The following ANKRD61 variants were observed in gnomAD, a reference collection of about 807,000 sequenced individuals.
The protein encoded by ANKRD61 is ankyrin repeat domain 61, also known as ankyrin repeat domain-containing protein 61.
A neutral mutation model predicts 8.4 loss-of-function variants in ANKRD61; 7 were observed. The ratio of observed to expected loss-of-function variants is 0.84; its 90% CI spans 0.48 to 1.57. The LOEUF (loss-of-function observed/expected upper bound fraction) is 1.57, where lower values mean the gene tolerates loss of function less well. Ranked by LOEUF, ANKRD61 falls within the 40% of genes most tolerant of loss-of-function variation. The pLI is 0.00. For missense variants in ANKRD61, 516 were observed against 523.4 expected, an observed-to-expected ratio of 0.99 and a Z score of 0.14; for synonymous variants, 198 against 208.0, an observed-to-expected ratio of 0.95 and a Z score of 0.41.
intron 1 of ANKRD61, 62 bp downstream of exon 1, chr7:6,031,653 A>T: frequency 2.0e-6 from 3 of 1,498,524 alleles, no homozygotes; most frequent in Middle Eastern, 1.8e-4. Context: ...AAGAAGCATG[A>T]TCTAAAGCTG....
rs1381049202 is a variant in ANKRD61, at chr7:6,035,238, T to A, written c.315-206T>A. On this transcript the variant is annotated intron_variant, in intron 2 of 2. Transcript: ENST00000409061. This position sits in a 1 kb window ranked among gnomAD's most constrained non-coding sequence, Gnocchi z 5.5. ...ATACATAAAATGAAGCTAGGCCCCA[T>A]CACGTAGTGATGCATCCCACCACAT... Among the ~76,000 whole-genome samples the A allele has an allele frequency of 6.6e-6, 1 of 152,046 alleles. No homozygotes were observed. Among genetic ancestry groups the A allele is most frequent in the Non-Finnish European group, 1.5e-5 (1 of 68,010 alleles).
At position 6,033,254 on chromosome 7, in the gene ANKRD61, G is replaced by A. The variant is rs183345778; in HGVS notation, c.314+318G>A. ...AAAGTGCTGGGATTAACAGCCCTCA[G>A]CCACAGCACCCAGCTTCACTGACAA... On this transcript the variant is annotated intron_variant, in intron 2 of 2. Coordinates refer to ENST00000409061, the MANE Select transcript of ANKRD61 (RefSeq NM_001271700.2). This position sits in a 1 kb window ranked among gnomAD's most constrained non-coding sequence, Gnocchi z 4.4. Among the ~76,000 whole-genome samples the A allele has an allele frequency of 1.8e-4, 27 of 152,162 alleles. No individual in the cohort carries two copies. The highest frequency in any genetic ancestry group is 3.4e-3 in the Middle Eastern group (1 of 292).
rs1283435132 is a variant in ANKRD61 at position 6,033,630 on chromosome 7, G to A, written c.314+694G>A. ...TTTTGAGACAGAGTCTCGCTCTGTC[G>A]CCCAGGCTGGAGTGCAGTGGCACCA... On this transcript the variant is annotated intron_variant, in intron 2 of 2. Transcript: ENST00000409061. The surrounding 1 kb of genome is among the most constrained non-coding windows in gnomAD (Gnocchi z 4.4). Among the ~76,000 whole-genome samples, 3 of 151,932 alleles carry A rather than the reference G, an allele frequency of 2.0e-5. No individual in the cohort carries two copies. Among genetic ancestry groups the A allele is most frequent in the Non-Finnish European group, 2.9e-5 (2 of 67,972 alleles).
intron 2 of ANKRD61, among the ~76,000 whole-genome samples, chr7:6,034,335 C>T (rs1361759965): frequency 2.0e-5 from 3 of 151,912 alleles, no homozygotes; most frequent in African/African-American, 4.8e-5. Context: ...GAACTTCTTG[C>T]CCCAAATCCT....
At chr7:6,034,515 T>C (rs78574316) in intron 2 of ANKRD61, among the ~76,000 whole-genome samples, 3,280 of 152,138 alleles carry the variant, frequency 0.022, 122 homozygotes, top group African/African-American at 0.074. Context: ...GCATGCACTA[T>C]GTGAGGCTTC....
intron 1 of ANKRD61, 69 bp downstream of exon 1, chr7:6,031,660 G>C: frequency 6.8e-7 from 1 of 1,476,322 alleles, no homozygotes; most frequent in Non-Finnish European, 9.2e-7. Flanking sequence ...ATGATCTAAA[G>C]CTGGTGAACC....
chr7:6,031,682 C>T lies in ANKRD61; in HGVS notation c.216+91C>T, dbSNP rs73331369. 8,335 of 1,300,440 alleles carry T rather than the reference C, an allele frequency of 6.4e-3. 437 individuals are homozygous for T. In the African/African-American group the frequency reaches 0.11, roughly 17 times the overall value. 80.6% of individuals were successfully genotyped at this position (1,300,440 alleles called of 1,614,324 possible). On this transcript the variant is annotated intron_variant, in intron 1 of 2. Transcript: ENST00000409061. The stretch of plus-strand genomic sequence containing the variant: ...AAAGCTGGTGAACCCACTAAGCTCA[C>T]GGCCCTTATGAGAATGAGACACGAC...
In ANKRD61 at chr7:6,032,487, C is replaced by A. The variant is rs1244484150; in HGVS notation, c.217-352C>A. 6.6e-6 allele frequency among the ~76,000 whole-genome samples: 1 copy of A among 152,210 alleles called. No individual in the cohort carries two copies. The highest frequency in any genetic ancestry group is 2.4e-5 in the African/African-American group (1 of 41,462). On this transcript the variant is annotated intron_variant, in intron 1 of 2. Coordinates refer to ENST00000409061, the MANE Select transcript of ANKRD61 (RefSeq NM_001271700.2). This position sits in a 1 kb window ranked among gnomAD's most constrained non-coding sequence, Gnocchi z 4.3. ...CGACACAGCACCTACTTGTCCATCA[C>A]CCTGTGGGTTAATTTAAGGAATAAG... is the stretch of plus-strand genomic sequence containing the variant.
chr7:6,032,553 C>A lies in ANKRD61; in HGVS notation c.217-286C>A, dbSNP rs954362354. On this transcript the variant is annotated intron_variant, in intron 1 of 2. Transcript: ENST00000409061. This position sits in a 1 kb window ranked among gnomAD's most constrained non-coding sequence, Gnocchi z 4.3. ...TACCCTTAATATCACACCACAGGCT[C>A]TTCTGAAGAATCAACTTTCAAAAAT... Among the ~76,000 whole-genome samples, 2 of 152,228 alleles carry A rather than the reference C, an allele frequency of 1.3e-5. No individual in the cohort carries two copies. Among genetic ancestry groups the A allele is most frequent in the Admixed American group, 6.5e-5 (1 of 15,276 alleles).
intron 2 of ANKRD61, among the ~76,000 whole-genome samples, chr7:6,034,915 C>T (rs987135498): frequency 1.3e-5 from 2 of 152,112 alleles, no homozygotes; most frequent in African/African-American, 2.4e-5. Flanking sequence ...AGAAAAATGT[C>T]GGGTAGGAGA....
In ANKRD61 at chr7:6,032,964, C is replaced by T; in HGVS notation, c.314+28C>T. The stretch of plus-strand genomic sequence containing the variant: ...AAGTTAACTCCACCGAAAATCATTT[C>T]TTTTTTTTTCTTTTTTGTTTTGAGG... On this transcript the variant is annotated intron_variant, in intron 2 of 2. Coordinates refer to ENST00000409061, the MANE Select transcript of ANKRD61 (RefSeq NM_001271700.2). The surrounding 1 kb of genome is among the most constrained non-coding windows in gnomAD (Gnocchi z 4.3). The T allele has an allele frequency of 6.6e-7, 1 of 1,512,454 alleles. No individual in the cohort carries two copies. The highest frequency in any genetic ancestry group is 1.2e-5 in the South Asian group (1 of 82,768). The allele number at this position is 1,512,454 out of a possible 1,614,324, so 93.7% of individuals were successfully genotyped here.
rs562934313 is a variant in ANKRD61, at chr7:6,035,269, G to A, written c.315-175G>A. On this transcript the variant is annotated intron_variant, in intron 2 of 2. Coordinates refer to ENST00000409061, the MANE Select transcript of ANKRD61 (RefSeq NM_001271700.2). The surrounding 1 kb of genome is among the most constrained non-coding windows in gnomAD (Gnocchi z 5.5). ...AGTGATGCATCCCACCACATCCCAC[G>A]AAAAACCCTGGGATAGCCTGAGAAA... Among the ~76,000 whole-genome samples the A allele has an allele frequency of 3.9e-5, 6 of 152,094 alleles. No homozygotes were observed. In the South Asian group the frequency reaches 1.0e-3, roughly 26 times the overall value.
rs1562744276 is a variant in ANKRD61, at chr7:6,032,966, T to C, written c.314+30T>C. On this transcript the variant is annotated intron_variant, in intron 2 of 2. Transcript: ENST00000409061. The surrounding 1 kb of genome is among the most constrained non-coding windows in gnomAD (Gnocchi z 4.3). ...GTTAACTCCACCGAAAATCATTTCT[T>C]TTTTTTTCTTTTTTGTTTTGAGGCA... The C allele has an allele frequency of 1.3e-6, 2 of 1,527,482 alleles. No individual in the cohort carries two copies. Among genetic ancestry groups the C allele is most frequent in the Non-Finnish European group, 1.8e-6 (2 of 1,128,070 alleles). The allele number at this position is 1,527,482 out of a possible 1,614,324, so 94.6% of individuals were successfully genotyped here. A position where few individuals can be genotyped will look rare whatever the true frequency, so the allele number is the denominator to read the frequency against.
chr7:6,031,519 G>A lies in ANKRD61; in HGVS notation c.144G>A (p.Leu48=). 5.2e-6 allele frequency: 8 copies of A among 1,550,730 alleles called. No individual in the cohort carries two copies. Among genetic ancestry groups the A allele is most frequent in the Non-Finnish European group, 7.0e-6 (8 of 1,147,004 alleles). The change falls in exon 1 of 3, where the codon CTG becomes CTA. Residue 48 remains leucine, a synonymous_variant. Coordinates refer to ENST00000409061, the MANE Select transcript of ANKRD61 (RefSeq NM_001271700.2). ...ACTGCACTACGATCGAGGTACTCCT[G>A]AGAAATCACCCTGTCAACCAGCCCA... ...REDCTTIEVL[L]RNHPVNQPIT...
At position 6,035,627 on chromosome 7, in the gene ANKRD61, C is replaced by G. The variant is rs2128887598; in HGVS notation, c.498C>G (p.Ser166Arg). 1 of 1,550,780 alleles carries G rather than the reference C, an allele frequency of 6.4e-7. No homozygotes were observed. The highest frequency in any genetic ancestry group is 1.4e-5 in the African/African-American group (1 of 73,146). The change falls in exon 3 of 3, where the codon AGC becomes AGG. Residue 166 changes from serine to arginine, a missense_variant. Physicochemically the swap from Ser to Arg is moderately radical, Grantham distance 110 (BLOSUM62 -1). Coordinates refer to ENST00000409061, the MANE Select transcript of ANKRD61 (RefSeq NM_001271700.2). This position sits in a 1 kb window ranked among gnomAD's most constrained non-coding sequence, Gnocchi z 5.5. Reference sequence around the variant, plus strand: ...AAGTGAACACTCAAGGGGAAATCAGCAACAAACGTTCACCACTCCACCTGG... The same window carrying G: ...AAGTGAACACTCAAGGGGAAATCAGGAACAAACGTTCACCACTCCACCTGG... The part of the protein sequence containing the change: ...GAQVNTQGEI[S>R]NKRSPLHLAI...
Position 6,033,000 on chromosome 7 carries a change from G to T in ANKRD61, c.314+64G>T. The T allele has an allele frequency of 7.2e-7, 1 of 1,394,756 alleles. No individual in the cohort carries two copies. 86.4% of individuals were successfully genotyped at this position (1,394,756 alleles called of 1,614,324 possible). ...TTTTTTGTTTTGAGGCAGGGGTCTCGCTCTGTTGCCCAGGCTGGAGTGCAA... is the reference window on the plus strand; with the variant it reads ...TTTTTTGTTTTGAGGCAGGGGTCTCTCTCTGTTGCCCAGGCTGGAGTGCAA... On this transcript the variant is annotated intron_variant, in intron 2 of 2. Transcript: ENST00000409061. The surrounding 1 kb of genome is among the most constrained non-coding windows in gnomAD (Gnocchi z 4.3).
rs1369021537 is a variant in ANKRD61 at position 6,035,945 on chromosome 7, C to T, written c.816C>T (p.Asn272=). ...TACTCACTCACGGAGCCAAAGTCAA[C>T]GCCCAGGACTACAAGGGCCAAACAG... ...RLLLTHGAKV[N]AQDYKGQTAI... The change falls in exon 3 of 3, where the codon AAC becomes AAT. Residue 272 remains asparagine, a synonymous_variant. Transcript: ENST00000409061. This position sits in a 1 kb window ranked among gnomAD's most constrained non-coding sequence, Gnocchi z 5.5. 43 of 1,547,848 alleles carry T rather than the reference C, an allele frequency of 2.8e-5. No homozygotes were observed. Among genetic ancestry groups the T allele is most frequent in the Middle Eastern group, 3.3e-4 (2 of 5,976 alleles).
In ANKRD61 at chr7:6,033,070, G is replaced by T. The variant is rs1787963755; in HGVS notation, c.314+134G>T. On this transcript the variant is annotated intron_variant, in intron 2 of 2. Coordinates refer to ENST00000409061, the MANE Select transcript of ANKRD61 (RefSeq NM_001271700.2). The surrounding 1 kb of genome is among the most constrained non-coding windows in gnomAD (Gnocchi z 4.4). ...TGCAACCTCTACTTCCTGGGTTCAA[G>T]AGCTTCTCCCACCTCAGCCTCCCGA... 1 of 680,226 alleles carries T rather than the reference G, an allele frequency of 1.5e-6. No individual in the cohort carries two copies. The highest frequency in any genetic ancestry group is 1.8e-5 in the African/African-American group (1 of 54,990). 42.1% of individuals were successfully genotyped at this position (680,226 alleles called of 1,614,324 possible).
chr7:6,031,398 G>A lies in ANKRD61; in HGVS notation c.23G>A (p.Gly8Glu). 1 of 1,550,716 alleles carries A rather than the reference G, an allele frequency of 6.4e-7. No homozygotes were observed. Among genetic ancestry groups the A allele is most frequent in the East Asian group, 2.4e-5 (1 of 40,920 alleles). Residue 8 changes from glycine (G) to glutamate (E), a missense_variant, in exon 1 of 3, where the codon GGA becomes GAA. Physicochemically the swap from Gly to Glu is moderately conservative, Grantham distance 98. Coordinates refer to ENST00000409061, the MANE Select transcript of ANKRD61 (RefSeq NM_001271700.2). MGNITRK[G>E]SRDLVVDSAK... ...CTCATGGGGAATATAACCAGGAAAG[G>A]AAGCAGAGACCTGGTGGTTGACAGT...
Sources: allele counts gnomAD v4.1 joint callset (sites outside exome capture counted in the v4.1 genomes callset), GRCh38; gene constraint gnomAD v4.1.1; non-coding constraint Gnocchi (gnomAD v3.1); transcripts MANE v1.5; gene names NCBI Gene and HGNC (gene_info 2026-07-23, HGNC 2026-07-21).